The following BBOX1 variants were observed in gnomAD, a reference collection of about 807,000 sequenced individuals.
BBOX1 encodes the protein gamma-butyrobetaine hydroxylase 1, also known as gamma-butyrobetaine dioxygenase.
BBOX1 carries 35 observed loss-of-function variants against 41.6 expected under a neutral mutation model. That is an observed-to-expected ratio of 0.84 (90% CI 0.64 to 1.11). The LOEUF is 1.11. Among genes scored for constraint, BBOX1 ranks in the 50% most tolerant of loss-of-function variants. The pLI, the probability that BBOX1 is intolerant of heterozygous loss-of-function variation, is 0.00. For synonymous variants in BBOX1, 163 were observed against 154.7 expected (o/e 1.05, Z -0.40); for missense variants, 458 against 460.6 (o/e 0.99, Z 0.05).
chr11:27,060,446 C>T (rs1857103974), intron 4 of BBOX1, among the ~76,000 whole-genome samples: 3 of 152,108 alleles, frequency 2.0e-5, no homozygotes, highest in South Asian at 2.1e-4. Context: ...ATGAATTACA[C>T]AGTCTCAGGT....
intron 6 of BBOX1, among the ~76,000 whole-genome samples, chr11:27,116,503 C>T (rs1348324519): frequency 1.3e-5 from 2 of 151,714 alleles, no homozygotes; most frequent in African/African-American, 2.4e-5. Flanking sequence ...CACTCCCTAA[C>T]TTGATGGCTT....
At chr11:27,123,910 T>G (rs1032015131) in intron 7 of BBOX1, among the ~76,000 whole-genome samples, 3 of 152,202 alleles carry the variant, frequency 2.0e-5, no homozygotes, top group Non-Finnish European at 2.9e-5. Flanking sequence ...TCTAAGAGCC[T>G]TTTTGAAAGC....
chr11:27,063,869 TAG>T (rs1478339375), intron 4 of BBOX1, among the ~76,000 whole-genome samples: 1 of 152,058 alleles, frequency 6.6e-6, no homozygotes. Flanking sequence ...CAAGAAAAAG[TAG>T]AGAGTTCTTC....
chr11:27,101,268 A>G (rs1858644918), intron 5 of BBOX1, among the ~76,000 whole-genome samples: 1 of 152,202 alleles, frequency 6.6e-6, no homozygotes, highest in South Asian at 2.1e-4. Flanking sequence ...TGACAGCACC[A>G]GAATATTCAT....
intron 4 of BBOX1, among the ~76,000 whole-genome samples, chr11:27,092,184 A>T (rs912123896): frequency 6.6e-6 from 1 of 151,938 alleles, no homozygotes; most frequent in Non-Finnish European, 1.5e-5. Flanking sequence ...CTTCATTCTT[A>T]AACAGGGGGC....
At chr11:27,071,299 A>G (rs113946924) in intron 4 of BBOX1, among the ~76,000 whole-genome samples, 6 of 151,622 alleles carry the variant, frequency 4.0e-5, no homozygotes, top group African/African-American at 9.7e-5. Flanking sequence ...GGAGAATGGC[A>G]TGAACCTGGG....
At chr11:27,096,265 GCCTTAAACAATGTCCCTC>G (rs1483239993) in intron 5 of BBOX1, among the ~76,000 whole-genome samples, 1 of 151,990 alleles carries the variant, frequency 6.6e-6, no homozygotes, top group African/African-American at 2.4e-5. Context: ...CTCAGTAGCT[GCCTTAAACAATGTCCCTC>G]CCTTTCATAT....
At chr11:27,067,527 G>C (rs541798657) in intron 4 of BBOX1, among the ~76,000 whole-genome samples, 27 of 151,960 alleles carry the variant, frequency 1.8e-4, no homozygotes, top group African/African-American at 5.3e-4. Context: ...CTGAGGTCAG[G>C]AGTTTGAGCC....
At chr11:27,054,020 GA>G (rs1856895265) in intron 2 of BBOX1, among the ~76,000 whole-genome samples, 1 of 152,142 alleles carries the variant, frequency 6.6e-6, no homozygotes, top group South Asian at 2.1e-4. Flanking sequence ...AAGCATATGT[GA>G]AACCACCTAG....
chr11:27,069,358 G>T (rs1857376953), intron 4 of BBOX1, among the ~76,000 whole-genome samples: 1 of 148,594 alleles, frequency 6.7e-6, no homozygotes, highest in Admixed American at 6.7e-5. Flanking sequence ...CTGAGTTCAT[G>T]GTTTGATTTT....
At chr11:27,120,703 C>T (rs558938092) in intron 7 of BBOX1, among the ~76,000 whole-genome samples, 47 of 152,004 alleles carry the variant, frequency 3.1e-4, no homozygotes, top group Non-Finnish European at 5.9e-4. Context: ...AATTATACCT[C>T]GATTAATTTT....
intron 2 of BBOX1, among the ~76,000 whole-genome samples, chr11:27,045,486 G>A (rs1435045549): frequency 6.6e-6 from 1 of 152,106 alleles, no homozygotes; most frequent in Non-Finnish European, 1.5e-5. Context: ...AGTTGTGTCA[G>A]AGGGCATCCT....
intron 3 of BBOX1, 63 bp downstream of exon 3, chr11:27,055,712 T>C (rs1856960186): frequency 3.5e-6 from 5 of 1,438,908 alleles, no homozygotes; most frequent in Admixed American, 1.9e-5. Flanking sequence ...TAGTCAACAA[T>C]AATTTAGATA....
chr11:27,115,045 T>C (rs1442918), intron 5 of BBOX1, among the ~76,000 whole-genome samples: 5,067 of 151,966 alleles, frequency 0.033, 127 homozygotes, highest in South Asian at 0.11. Context: ...ACTAGCTATG[T>C]AGAGGTGGTG....
intron 4 of BBOX1, among the ~76,000 whole-genome samples, chr11:27,087,481 G>A (rs142076094): frequency 2.9e-4 from 44 of 152,162 alleles, no homozygotes; most frequent in African/African-American, 1.0e-3. Flanking sequence ...TTTTTCAGAT[G>A]TAGTGCTGTT....
At chr11:27,075,087 T>C (rs1040258368) in intron 4 of BBOX1, among the ~76,000 whole-genome samples, 1 of 152,254 alleles carries the variant, frequency 6.6e-6, no homozygotes, top group Non-Finnish European at 1.5e-5. Context: ...CCTTCTCATT[T>C]GGATAGACTA....
chr11:27,118,926 A>G (rs1178154009), intron 6 of BBOX1, among the ~76,000 whole-genome samples: 2 of 146,324 alleles, frequency 1.4e-5, no homozygotes, highest in African/African-American at 5.2e-5. Flanking sequence ...TCCTTCCTCA[A>G]AAAAAAAAAA....
At chr11:27,124,037 C>T (rs560589816) in intron 7 of BBOX1, among the ~76,000 whole-genome samples, 3 of 152,286 alleles carry the variant, frequency 2.0e-5, no homozygotes, top group East Asian at 3.9e-4. Flanking sequence ...ATTACAATTG[C>T]CGTTTGGCTC....
chr11:27,071,351 T>C (rs549274600), intron 4 of BBOX1, among the ~76,000 whole-genome samples: 16 of 150,288 alleles, frequency 1.1e-4, no homozygotes, highest in African/African-American at 1.5e-4. Flanking sequence ...CACTGCACTC[T>C]AGCCTGGGCA....
Sources: allele counts gnomAD v4.1 joint callset (sites outside exome capture counted in the v4.1 genomes callset), GRCh38; gene constraint gnomAD v4.1.1; transcripts MANE v1.5; gene names NCBI Gene and HGNC (gene_info 2026-07-23, HGNC 2026-07-21).